LRRTM3: variants seen among roughly 807,000 people sequenced by gnomAD.
The protein encoded by LRRTM3 is leucine-rich repeat transmembrane neuronal protein 3.
LRRTM3 carries 24 observed loss-of-function variants against 44.7 expected under a neutral mutation model. The observed-to-expected ratio is 0.54, with a 90% CI of 0.39 to 0.76. The LOEUF (loss-of-function observed/expected upper bound fraction) is 0.76. LRRTM3 is among the 30% of genes least tolerant of loss of function. The probability of loss-of-function intolerance (pLI) is 0.00; values close to 1 mark genes in which losing one functional copy is unlikely to be tolerated. For synonymous variants in LRRTM3, 277 were observed against 278.7 expected (o/e 0.99, Z 0.06); for missense variants, 587 against 702.2 (o/e 0.84, Z 1.85).
intron 2 of LRRTM3, among the ~76,000 whole-genome samples, chr10:67,070,010 C>A (rs1856349005): frequency 6.6e-6 from 1 of 152,150 alleles, no homozygotes; most frequent in South Asian, 2.1e-4. Flanking sequence ...TTTATACACC[C>A]ACTAGCAGAC....
At chr10:66,984,956 C>T (rs992233472) in intron 2 of LRRTM3, among the ~76,000 whole-genome samples, 1 of 152,084 alleles carries the variant, frequency 6.6e-6, no homozygotes, top group African/African-American at 2.4e-5. Context: ...GCCTAGATCC[C>T]ACCCTCATTT....
chr10:66,959,550 G>A (rs915633392), intron 2 of LRRTM3, among the ~76,000 whole-genome samples: 1 of 152,084 alleles, frequency 6.6e-6, no homozygotes, highest in African/African-American at 2.4e-5. Flanking sequence ...ATGAGCTTGG[G>A]AAAGAGAATT....
intron 2 of LRRTM3, among the ~76,000 whole-genome samples, chr10:67,092,707 TA>T (rs1402543688): frequency 6.6e-6 from 1 of 151,942 alleles, no homozygotes; most frequent in Non-Finnish European, 1.5e-5. Flanking sequence ...AGACCATTAG[TA>T]ATTAGTTATT....
chr10:66,972,926 CATA>C (rs1243782623), intron 2 of LRRTM3, among the ~76,000 whole-genome samples: 2 of 151,724 alleles, frequency 1.3e-5, no homozygotes, highest in Non-Finnish European at 2.9e-5. Context: ...TGACAAGTTT[CATA>C]GATTAAAAAG....
At chr10:67,068,244 A>G (rs144894970) in intron 2 of LRRTM3, among the ~76,000 whole-genome samples, 1,618 of 152,294 alleles carry the variant, frequency 0.011, 23 homozygotes, top group African/African-American at 0.036. Context: ...ATGTGGAAAG[A>G]GGAAAGGGAG....
At chr10:67,077,803 T>C (rs982990359) in intron 2 of LRRTM3, among the ~76,000 whole-genome samples, 2 of 152,158 alleles carry the variant, frequency 1.3e-5, no homozygotes, top group Admixed American at 6.5e-5. Flanking sequence ...TCAATGATCA[T>C]TTATTAAATG....
intron 2 of LRRTM3, among the ~76,000 whole-genome samples, chr10:66,931,337 T>C (rs2177355): frequency 0.36 from 55,219 of 152,010 alleles, 10,677 homozygotes; most frequent in East Asian, 0.5. Flanking sequence ...CCAGTACACA[T>C]AGTGCTACCA....
intron 2 of LRRTM3, among the ~76,000 whole-genome samples, chr10:66,950,498 A>C (rs1848486810): frequency 6.6e-6 from 1 of 152,102 alleles, no homozygotes; most frequent in Admixed American, 6.6e-5. Context: ...TAGTATATTA[A>C]ACAAAAGATC....
chr10:66,942,413 A>G (rs1022658759), intron 2 of LRRTM3, among the ~76,000 whole-genome samples: 1 of 152,200 alleles, frequency 6.6e-6, no homozygotes, highest in East Asian at 1.9e-4. Flanking sequence ...AATGTTGTTC[A>G]GCAACACAAC....
Position 67,034,810 on chromosome 10 carries a change from G to A in LRRTM3, c.1537-62777G>A, listed in dbSNP as rs116004816. Reference sequence around the variant, plus strand: ...ATTTGACCCCCAACCTACCATATCAGTCTTGCCTCCTACCATTTGCTTCAG... The same window carrying A: ...ATTTGACCCCCAACCTACCATATCAATCTTGCCTCCTACCATTTGCTTCAG... On this transcript the variant is annotated intron_variant, in intron 2 of 2. Transcript: ENST00000361320. 3.9e-3 allele frequency among the ~76,000 whole-genome samples: 589 copies of A among 152,200 alleles called. 3 individuals carry two copies. The highest frequency in any genetic ancestry group is 0.014 in the African/African-American group (565 of 41,524).
chr10:67,029,184 T>C (rs10997485), intron 2 of LRRTM3, among the ~76,000 whole-genome samples: 54,646 of 152,142 alleles, frequency 0.36, 11,374 homozygotes, highest in East Asian at 0.51. Context: ...CATTACTCCA[T>C]AAGCTAAATA....
Position 66,927,430 on chromosome 10 carries a change from A to G in LRRTM3, c.514A>G (p.Ile172Val). Residue 172 changes from isoleucine to valine, a missense_variant, in exon 2 of 3, where the codon ATC (isoleucine) becomes GTC (valine). Ile to Val is a conservative substitution (Grantham distance 29). Coordinates refer to ENST00000361320, the MANE Select transcript of LRRTM3 (RefSeq NM_178011.5). The surrounding 1 kb of genome is among the most constrained non-coding windows in gnomAD (Gnocchi z 4.7). ...LHLRSNSLRT[I>V]PVRIFQDCRN... ...TTTACGGTCTAACTCCCTGAGAACCATCCCTGTGCGAATATTCCAAGACTG... is the reference window on the plus strand; with the variant it reads ...TTTACGGTCTAACTCCCTGAGAACCGTCCCTGTGCGAATATTCCAAGACTG... 6.2e-7 allele frequency: 1 copy of G among 1,614,156 alleles called. No homozygotes were observed. The highest frequency in any genetic ancestry group is 1.1e-5 in the South Asian group (1 of 91,088).
intron 2 of LRRTM3, among the ~76,000 whole-genome samples, chr10:67,025,270 T>G (rs1853297582): frequency 1.3e-5 from 2 of 151,902 alleles, no homozygotes; most frequent in Admixed American, 1.3e-4. Flanking sequence ...AACTAAATTC[T>G]GGTATATTTG....
At chr10:67,056,308 G>A (rs1396559044) in intron 2 of LRRTM3, among the ~76,000 whole-genome samples, 3 of 152,158 alleles carry the variant, frequency 2.0e-5, no homozygotes, top group Non-Finnish European at 4.4e-5. Context: ...TGGTTTGGGT[G>A]AGGCAATATT....
At chr10:66,941,338 C>T (rs181674408) in intron 2 of LRRTM3, among the ~76,000 whole-genome samples, 26 of 152,276 alleles carry the variant, frequency 1.7e-4, no homozygotes, top group Non-Finnish European at 3.4e-4. Flanking sequence ...TTCTCGAGTG[C>T]ATTTTAAAAG....
Position 66,928,331 on chromosome 10 carries a change from T to A in LRRTM3, c.1415T>A (p.Met472Lys). 6.2e-7 allele frequency: 1 copy of A among 1,614,048 alleles called. No individual in the cohort carries two copies. Among genetic ancestry groups the A allele is most frequent in the South Asian group, 1.1e-5 (1 of 91,070 alleles). ...AAGAAAAGACAGTCCCTAAAGCAAA[T>A]GACTCCCAGCACCCAGGAATTTTAT... ...RKKKRQSLKQMTPSTQEFYVD... is the reference protein window; with the variant it reads ...RKKKRQSLKQKTPSTQEFYVD... Residue 472 changes from methionine to lysine, a missense_variant, in exon 2 of 3, where the codon ATG (methionine) becomes AAG (lysine). Coordinates refer to ENST00000361320, the MANE Select transcript of LRRTM3 (RefSeq NM_178011.5).
At chr10:67,085,275 CA>C (rs1196442668) in intron 2 of LRRTM3, among the ~76,000 whole-genome samples, 11 of 150,972 alleles carry the variant, frequency 7.3e-5, no homozygotes, top group African/African-American at 2.7e-4. Flanking sequence ...TAATAGTAAT[CA>C]AAAATATGAC....
chr10:67,004,889 T>C (rs1465385383), intron 2 of LRRTM3, among the ~76,000 whole-genome samples: 1 of 152,164 alleles, frequency 6.6e-6, no homozygotes, highest in Non-Finnish European at 1.5e-5. Flanking sequence ...AAAAGGGAAA[T>C]AACTCTAGTA....
intron 2 of LRRTM3, among the ~76,000 whole-genome samples, chr10:66,985,724 A>ATTTG (rs556516524): frequency 6.6e-6 from 1 of 151,856 alleles, no homozygotes; most frequent in Non-Finnish European, 1.5e-5. Context: ...CTGTTTGTTT[A>ATTTG]TTTGTTTGTT....
Sources: allele counts gnomAD v4.1 joint callset (sites outside exome capture counted in the v4.1 genomes callset), GRCh38; gene constraint gnomAD v4.1.1; non-coding constraint Gnocchi (gnomAD v3.1); transcripts MANE v1.5; gene names NCBI Gene and HGNC (gene_info 2026-07-23, HGNC 2026-07-21).